PLEKHA7: variants seen among roughly 807,000 people sequenced by gnomAD.
PLEKHA7 encodes pleckstrin homology domain containing A7, also known as pleckstrin homology domain-containing family A member 7.
Under a neutral mutation model 170.0 loss-of-function variants are expected in PLEKHA7, and 104 were observed. The ratio of observed to expected loss-of-function variants is 0.61; its 90% CI spans 0.52 to 0.72. The LOEUF is 0.72. Among genes scored for constraint, PLEKHA7 ranks in the 30% least tolerant of loss-of-function variants. The pLI, the probability that PLEKHA7 is intolerant of heterozygous loss-of-function variation, is 0.00. For missense variants in PLEKHA7, 1,615 were observed against 1,671.7 expected (o/e 0.97, Z 0.59); for synonymous variants, 648 against 660.8 (o/e 0.98, Z 0.30).
chr11:16,894,977 C>T (rs1431452766), intron 3 of PLEKHA7, among the ~76,000 whole-genome samples: 1 of 152,080 alleles, frequency 6.6e-6, no homozygotes, highest in African/African-American at 2.4e-5. Context: ...GATGAAGAAA[C>T]TGAGGATCAG....
At chr11:16,790,091 G>A (rs560469285) in intron 21 of PLEKHA7, 6 of 569,292 alleles carry the variant, frequency 1.1e-5, no homozygotes, top group South Asian at 8.1e-5. Flanking sequence ...ATGGGGGGCA[G>A]TGTCCCTGCA....
At chr11:16,979,739 C>T (rs1182626308) in intron 3 of PLEKHA7, among the ~76,000 whole-genome samples, 1 of 152,090 alleles carries the variant, frequency 6.6e-6, no homozygotes, top group Non-Finnish European at 1.5e-5. Context: ...ATATTTCCTC[C>T]TTCTTTCACA....
At chr11:16,956,588 A>G (rs1381624349) in intron 3 of PLEKHA7, among the ~76,000 whole-genome samples, 1 of 152,244 alleles carries the variant, frequency 6.6e-6, no homozygotes, top group Non-Finnish European at 1.5e-5. Context: ...ACAATGCCAC[A>G]GTAAGATTTA....
chr11:16,847,500 T>A (rs1418764449), intron 8 of PLEKHA7, among the ~76,000 whole-genome samples: 2 of 152,102 alleles, frequency 1.3e-5, no homozygotes, highest in Non-Finnish European at 2.9e-5. Flanking sequence ...GCTAAAAATG[T>A]GGCTAGAGAT....
At chr11:17,003,511 G>T (rs1053793588) in intron 3 of PLEKHA7, among the ~76,000 whole-genome samples, 1 of 152,214 alleles carries the variant, frequency 6.6e-6, no homozygotes, top group Non-Finnish European at 1.5e-5. Flanking sequence ...GCCAGTAAAC[G>T]TGGCACTACT....
In PLEKHA7 at chr11:16,951,338, A is replaced by C. The variant is rs566597397; in HGVS notation, c.221+62651T>G. 1.9e-4 allele frequency among the ~76,000 whole-genome samples: 29 copies of C among 152,224 alleles called. 1 individual carries two copies. The South Asian group carries it at 5.8e-3, about 30-fold the overall frequency. The stretch of plus-strand genomic sequence containing the variant: ...TGAGAATACTCTCCATCAGTCTAAG[A>C]GGGGAGACATCATGACGATGATGAT... On this transcript the variant is annotated intron_variant, in intron 3 of 26. Coordinates refer to ENST00000531066, the MANE Select transcript of PLEKHA7 (RefSeq NM_001329630.2).
intron 13 of PLEKHA7, among the ~76,000 whole-genome samples, chr11:16,805,493 TA>T (rs1373136617): frequency 2.0e-5 from 3 of 152,124 alleles, no homozygotes; most frequent in African/African-American, 7.2e-5. Context: ...TGTCCCTTTT[TA>T]AAGTGCTGCT....
chr11:16,937,910 T>C (rs917151461), intron 3 of PLEKHA7, among the ~76,000 whole-genome samples: 7 of 152,250 alleles, frequency 4.6e-5, no homozygotes, highest in South Asian at 2.1e-4. Context: ...ACTCAGACGA[T>C]GTTTTTCTTT....
At chr11:16,987,142 A>G (rs1299081506) in intron 3 of PLEKHA7, among the ~76,000 whole-genome samples, 2 of 152,208 alleles carry the variant, frequency 1.3e-5, no homozygotes, top group Non-Finnish European at 2.9e-5. Flanking sequence ...CTGAGAAAGA[A>G]TGTGTGGGCT....
rs1027284068 is a variant in PLEKHA7 at position 16,794,649 on chromosome 11, G to A, written c.2584C>T (p.Pro862Ser). ...VPSLSTSESK[P>S]PPQPSPPTSP... ...GTGGGAGGACTGGGCTGTGGGGGCG[G>A]CTTGCTCTCAGAAGTTGAGAGTGAA... The change falls in exon 19 of 27, where the codon CCG (proline) becomes TCG (serine). Residue 862 changes from proline (P) to serine (S), a missense_variant. Coordinates refer to ENST00000531066, the MANE Select transcript of PLEKHA7 (RefSeq NM_001329630.2). 9.3e-6 allele frequency: 15 copies of A among 1,613,920 alleles called. No individual in the cohort carries two copies. The highest frequency in any genetic ancestry group is 1.7e-5 in the Admixed American group (1 of 60,000).
chr11:16,921,395 T>C (rs566152309), intron 3 of PLEKHA7, among the ~76,000 whole-genome samples: 1 of 152,198 alleles, frequency 6.6e-6, no homozygotes, highest in Non-Finnish European at 1.5e-5. Flanking sequence ...GAAGGCACTG[T>C]GTCCATCAGC....
intron 3 of PLEKHA7, among the ~76,000 whole-genome samples, chr11:16,980,609 G>A (rs939200225): frequency 6.6e-6 from 1 of 152,086 alleles, no homozygotes; most frequent in Non-Finnish European, 1.5e-5. Flanking sequence ...GTTTGGTTTG[G>A]GGGGGATAGG....
At chr11:16,837,038 G>C (rs1049071570) in intron 9 of PLEKHA7, among the ~76,000 whole-genome samples, 1 of 152,070 alleles carries the variant, frequency 6.6e-6, no homozygotes, top group Non-Finnish European at 1.5e-5. Context: ...TGGCCAGGCT[G>C]GTCTCGAACT....
chr11:17,005,973 T>C (rs2137082253), intron 3 of PLEKHA7, among the ~76,000 whole-genome samples: 1 of 152,352 alleles, frequency 6.6e-6, no homozygotes, highest in South Asian at 2.1e-4. Context: ...TTTTAGTATA[T>C]ATGTAAGCTG....
At chr11:16,973,614 A>T (rs1027084413) in intron 3 of PLEKHA7, among the ~76,000 whole-genome samples, 2 of 152,108 alleles carry the variant, frequency 1.3e-5, no homozygotes, top group African/African-American at 4.8e-5. Flanking sequence ...CAGGGACCCA[A>T]CCTCAGAGAT....
chr11:16,956,228 A>G (rs1227677438), intron 3 of PLEKHA7, among the ~76,000 whole-genome samples: 5 of 152,132 alleles, frequency 3.3e-5, no homozygotes, highest in Non-Finnish European at 5.9e-5. Flanking sequence ...TATGTTGCCC[A>G]GGCTGGATTT....
chr11:16,815,109 C>G (rs146275162), intron 12 of PLEKHA7: 2 of 152,844 alleles, frequency 1.3e-5, no homozygotes, highest in Non-Finnish European at 1.5e-5. Flanking sequence ...AGCATGGGCA[C>G]GAGCGAACGC....
intron 4 of PLEKHA7, among the ~76,000 whole-genome samples, chr11:16,864,255 G>T (rs1279910119): frequency 6.6e-6 from 1 of 152,052 alleles, no homozygotes; most frequent in Non-Finnish European, 1.5e-5. Flanking sequence ...GATAATAATG[G>T]TATCTTCCTC....
intron 3 of PLEKHA7, among the ~76,000 whole-genome samples, chr11:16,972,905 C>T (rs769297663): frequency 2.0e-5 from 3 of 152,174 alleles, no homozygotes; most frequent in Non-Finnish European, 2.9e-5. Flanking sequence ...CAAAGTGTTT[C>T]CTAAAGAGGC....
Sources: gnomAD v4.1 joint callset for allele counts (sites outside exome capture counted in the v4.1 genomes callset) on GRCh38, gnomAD v4.1.1 for gene constraint, MANE v1.5 for transcripts, NCBI Gene and HGNC (gene_info 2026-07-23, HGNC 2026-07-21) for gene names.